Variants in ITIH1 observed in about 807,000 individuals in gnomAD.
ITIH1 encodes the protein inter-alpha-trypsin inhibitor heavy chain H1.
A neutral mutation model predicts 104.6 loss-of-function variants in ITIH1; 94 were observed. The ratio of observed to expected loss-of-function variants is 0.90; its 90% CI spans 0.76 to 1.07. The LOEUF is 1.07. Among genes scored for constraint, ITIH1 ranks in the 50% least tolerant of loss-of-function variants. The pLI, the probability that ITIH1 is intolerant of heterozygous loss-of-function variation, is 0.00. For missense variants in ITIH1, 1,193 were observed against 1,181.4 expected (o/e 1.01, Z -0.14); for synonymous variants, 455 against 464.4 (o/e 0.98, Z 0.26).
chr3:52,783,001 GGACTACTTT>G lies in ITIH1; in HGVS notation c.979_987del (p.Tyr327_Asp329del). 1 of 1,614,052 alleles carries G rather than the reference GGACTACTTT, an allele frequency of 6.2e-7. No homozygotes were observed. The highest frequency in any genetic ancestry group is 8.5e-7 in the Non-Finnish European group (1 of 1,179,990). On this transcript the variant is annotated inframe_deletion, in exon 9 of 22. Coordinates refer to ENST00000273283, the MANE Select transcript of ITIH1 (RefSeq NM_002215.4). Reference sequence around the variant, plus strand: ...AAATTCTGGGGGACATGCAGCCAGGGGACTACTTTGACCTGGTTCTTTTTGGGACTCGAG... The same window carrying G: ...AAATTCTGGGGGACATGCAGCCAGGGGACCTGGTTCTTTTTGGGACTCGAG...
Position 52,791,945 on chromosome 3 carries a change from G to T in ITIH1, c.*34G>T. 1 of 1,592,548 alleles carries T rather than the reference G, an allele frequency of 6.3e-7. No individual in the cohort carries two copies. Among genetic ancestry groups the T allele is most frequent in the Non-Finnish European group, 8.6e-7 (1 of 1,168,180 alleles). On this transcript the variant is annotated 3_prime_UTR_variant, in exon 22 of 22. Transcript: ENST00000273283. ...GCCAGCACGCCTGTCCTCCCCCGGGGCCAAGGCAGAGGAGGAGGACGACAT... is the reference window on the plus strand; with the variant it reads ...GCCAGCACGCCTGTCCTCCCCCGGGTCCAAGGCAGAGGAGGAGGACGACAT...
chr3:52,781,202 TTTTTTTTTCTTCTTCTTCTTCTTC>T (rs1559461121), intron 6 of ITIH1, among the ~76,000 whole-genome samples: 7 of 52,970 alleles, frequency 1.3e-4, no homozygotes, highest in African/African-American at 6.2e-4. Flanking sequence ...CTCTTCTTTT[TTTTTTTTTCTTCTTCTTCTTCTTC>T]TTCTTCTTCT....
In ITIH1 at chr3:52,786,422, T is replaced by A; in HGVS notation, c.1721T>A (p.Leu574Gln). The A allele has an allele frequency of 1.3e-6, 2 of 1,583,932 alleles. No individual in the cohort carries two copies. The highest frequency in any genetic ancestry group is 1.7e-6 in the Non-Finnish European group (2 of 1,164,790). ...TGGGCCTACCTCACCATCCAGGAGC[T>A]GCTGGCCAAGCGGTAGGGCACCTGC... The part of the protein sequence containing the change: ...RLWAYLTIQE[L>Q]LAKRMKVDRE... Residue 574 changes from leucine to glutamine, a missense_variant, in exon 13 of 22, where the codon CTG becomes CAG. Physicochemically the swap from Leu to Gln is moderately radical, Grantham distance 113. Transcript: ENST00000273283.
Position 52,791,977 on chromosome 3 carries a change from C to G in ITIH1, c.*66C>G, listed in dbSNP as rs1157366970. On this transcript the variant is annotated 3_prime_UTR_variant, in exon 22 of 22. Coordinates refer to ENST00000273283, the MANE Select transcript of ITIH1 (RefSeq NM_002215.4). ...CAGAGGAGGAGGACGACATCCTGACCTGCTGCTGAGGCTGTACCTCCTTGA... is the reference window on the plus strand; with the variant it reads ...CAGAGGAGGAGGACGACATCCTGACGTGCTGCTGAGGCTGTACCTCCTTGA... 1.3e-6 allele frequency: 2 copies of G among 1,534,576 alleles called. No individual in the cohort carries two copies. The highest frequency in any genetic ancestry group is 1.8e-6 in the Non-Finnish European group (2 of 1,130,876).
At position 52,778,370 on chromosome 3, in the gene ITIH1, A is replaced by G. The variant is rs144900443; in HGVS notation, c.169A>G (p.Lys57Glu). 2.7e-5 allele frequency: 44 copies of G among 1,614,072 alleles called. No individual in the cohort carries two copies. In the Middle Eastern group the frequency reaches 8.2e-4, roughly 30 times the overall value. Reference protein sequence around the residue: ...AVDGVFIRSLKVNCKVTSRFA... With the variant: ...AVDGVFIRSLEVNCKVTSRFA... Reference sequence around the variant, plus strand: ...CGATGGCGTGTTCATCCGGAGTTTGAAAGTCAACTGCAAAGTCACCTCTCG... The same window carrying G: ...CGATGGCGTGTTCATCCGGAGTTTGGAAGTCAACTGCAAAGTCACCTCTCG... Residue 57 changes from lysine (K) to glutamate (E), a missense_variant, in exon 3 of 22, where the codon AAA becomes GAA. Lys to Glu is a moderately conservative substitution (Grantham distance 56). Coordinates refer to ENST00000273283, the MANE Select transcript of ITIH1 (RefSeq NM_002215.4).
Position 52,779,926 on chromosome 3 carries a change from A to T in ITIH1, c.573+332A>T. ...CCGCGCAGCCTGAGGGCCTGGAATTATTGCTGGCACCTAAGTGGTGGCTGA... is the reference window on the plus strand; with the variant it reads ...CCGCGCAGCCTGAGGGCCTGGAATTTTTGCTGGCACCTAAGTGGTGGCTGA... On this transcript the variant is annotated intron_variant, in intron 5 of 21. Coordinates refer to ENST00000273283, the MANE Select transcript of ITIH1 (RefSeq NM_002215.4). This position sits in a 1 kb window ranked among gnomAD's most constrained non-coding sequence, Gnocchi z 4.4. 1 of 1,377,180 alleles carries T rather than the reference A, an allele frequency of 7.3e-7. No individual in the cohort carries two copies. Among genetic ancestry groups the T allele is most frequent in the Non-Finnish European group, 9.4e-7 (1 of 1,064,602 alleles). The allele number at this position is 1,377,180 out of a possible 1,614,324, so 85.3% of individuals were successfully genotyped here.
chr3:52,791,565 G>A lies in ITIH1; in HGVS notation c.2543G>A (p.Gly848Asp), dbSNP rs1268336879. 1.2e-6 allele frequency: 2 copies of A among 1,614,076 alleles called. No homozygotes were observed. Among genetic ancestry groups the A allele is most frequent in the Admixed American group, 1.7e-5 (1 of 60,022 alleles). The change falls in exon 21 of 22, where the codon GGC becomes GAC. Residue 848 changes from glycine to aspartate, a missense_variant. Gly to Asp is a moderately conservative substitution (Grantham distance 94). Transcript: ENST00000273283. ...TTTGAAGTGTCTGACATCCACCCAG[G>A]CTCTGACCCCACAAAGCCAGATGCC... The part of the protein sequence containing the change: ...IGFEVSDIHP[G>D]SDPTKPDATM...
rs1259573559 is a variant in ITIH1, at chr3:52,781,813, C to T, written c.688-127C>T. On this transcript the variant is annotated intron_variant, in intron 6 of 21. Transcript: ENST00000273283. The stretch of plus-strand genomic sequence containing the variant: ...AGCAGCTAGGTGAGTGAGTGGCCCA[C>T]CGAACTCGTTTCTCTGTCCGTGCAA... The T allele has an allele frequency of 5.7e-6, 7 of 1,234,106 alleles. No homozygotes were observed. The South Asian group carries it at 8.5e-5, about 15-fold the overall frequency. 76.4% of individuals were successfully genotyped at this position (1,234,106 alleles called of 1,614,324 possible). A position where few individuals can be genotyped will look rare whatever the true frequency, so the allele number is the denominator to read the frequency against.
rs1455040236 is a variant in ITIH1, at chr3:52,780,314, G to A, written c.619G>A (p.Ala207Thr). Residue 207 changes from alanine (A) to threonine (T), a missense_variant, in exon 6 of 22, where the codon GCC (alanine) becomes ACC (threonine). Ala to Thr is a moderately conservative substitution (Grantham distance 58, BLOSUM62 0). Transcript: ENST00000273283. ...GCCCCAGGGGATCAGCAAGCTGGAT[G>A]CCCAGGCCTCTTTCCTGCCGAAGGA... ...FEPQGISKLD[A>T]QASFLPKELA... is the part of the protein sequence containing the mutation. The A allele has an allele frequency of 1.2e-6, 2 of 1,614,120 alleles. No homozygotes were observed. The highest frequency in any genetic ancestry group is 1.1e-5 in the South Asian group (1 of 91,056).
chr3:52,790,927 G>T lies in ITIH1; in HGVS notation c.2494+6G>T. ...CCGGACGCACGGGCTGCTGGGTACG[G>T]CTGGCCAGGCTGGCAGGGCTGTGGG... is the stretch of plus-strand genomic sequence containing the variant. On this transcript the variant is annotated splice_donor_region_variant and intron_variant, in intron 20 of 21. Coordinates refer to ENST00000273283, the MANE Select transcript of ITIH1 (RefSeq NM_002215.4). The T allele has an allele frequency of 6.3e-7, 1 of 1,592,390 alleles. No homozygotes were observed. The highest frequency in any genetic ancestry group is 8.5e-7 in the Non-Finnish European group (1 of 1,172,010).
chr3:52,780,684 C>T (rs1033536660), intron 6 of ITIH1, among the ~76,000 whole-genome samples: 1 of 152,228 alleles, frequency 6.6e-6, no homozygotes, highest in African/African-American at 2.4e-5. Context: ...GCCCTCTTTG[C>T]CCGCCTCACG....
chr3:52,790,120 C>T, intron 19 of ITIH1: 1 of 526,260 alleles, frequency 1.9e-6, no homozygotes, highest in South Asian at 2.1e-5. Flanking sequence ...ACAAAGCCAG[C>T]TCATCCTCCC....
chr3:52,782,729 G>C (rs1057293423), intron 8 of ITIH1, among the ~76,000 whole-genome samples: 1 of 152,014 alleles, frequency 6.6e-6, no homozygotes, highest in African/African-American at 2.4e-5. Context: ...TGCCCCTCCC[G>C]AACTCCTGAT....
chr3:52,784,341 T>C lies in ITIH1; in HGVS notation c.1271T>C (p.Ile424Thr), dbSNP rs375346747. The change falls in exon 11 of 22, where the codon ATC (isoleucine) becomes ACC (threonine). Residue 424 changes from isoleucine to threonine, a missense_variant. Ile to Thr is a moderately conservative substitution (Grantham distance 89). Coordinates refer to ENST00000273283, the MANE Select transcript of ITIH1 (RefSeq NM_002215.4). ...ATCCTCAAGAACGTCCGCAACGCCA[T>C]CCGGGGCAGGTTCCCGCTCTACAAC... ...SQILKNVRNA[I>T]RGRFPLYNLG... is the part of the protein sequence containing the mutation. 4 of 1,614,122 alleles carry C rather than the reference T, an allele frequency of 2.5e-6. No homozygotes were observed. Among genetic ancestry groups the C allele is most frequent in the East Asian group, 4.5e-5 (2 of 44,870 alleles).
chr3:52,790,162 A>G lies in ITIH1; in HGVS notation c.2321+308A>G, dbSNP rs1699316249. 3 of 450,254 alleles carry G rather than the reference A, an allele frequency of 6.7e-6. No homozygotes were observed. The South Asian group carries it at 7.7e-5, about 11-fold the overall frequency. The allele number at this position is 450,254 out of a possible 1,614,324, so 27.9% of individuals were successfully genotyped here. On this transcript the variant is annotated intron_variant, in intron 19 of 21. Coordinates refer to ENST00000273283, the MANE Select transcript of ITIH1 (RefSeq NM_002215.4). The stretch of plus-strand genomic sequence containing the variant: ...AGCAAAGAGGCCACCTCTTCCCCTC[A>G]GCCCTCCTGCTCTCTTCCTCTGCTG...
chr3:52,792,021 T>A lies in ITIH1; in HGVS notation c.*110T>A, dbSNP rs1308018619. 3.3e-6 allele frequency: 4 copies of A among 1,222,620 alleles called. No homozygotes were observed. In the East Asian group the frequency reaches 9.5e-5, roughly 29 times the overall value. The allele number at this position is 1,222,620 out of a possible 1,614,324, so 75.7% of individuals were successfully genotyped here. ...TCCTTGACTAAGCTGGTTCCTTGTG[T>A]CAAAGCACCTCATGCCTTCCATTAA... is the stretch of plus-strand genomic sequence containing the variant. On this transcript the variant is annotated 3_prime_UTR_variant, in exon 22 of 22. Transcript: ENST00000273283.
chr3:52,790,106 C>T, intron 19 of ITIH1: 1 of 541,416 alleles, frequency 1.8e-6, no homozygotes, highest in East Asian at 3.2e-5. Context: ...CCTGTCTCTA[C>T]CAAACAAAGC....
intron 10 of ITIH1, 131 bp from the exon 11 acceptor site, chr3:52,784,165 A>C: frequency 1.3e-6 from 1 of 764,366 alleles, no homozygotes; most frequent in Non-Finnish European, 2.1e-6. Flanking sequence ...GCGATGCCTC[A>C]GGATGCCCAG....
chr3:52,778,068 C>T (rs761095476), intron 2 of ITIH1, 51 bp downstream of exon 2: 2 of 1,599,330 alleles, frequency 1.3e-6, no homozygotes, highest in South Asian at 1.1e-5. Context: ...TTTTTACAGG[C>T]TTGCTTTCCC....
Sources: gnomAD v4.1 joint callset for allele counts (sites outside exome capture counted in the v4.1 genomes callset) on GRCh38, gnomAD v4.1.1 for gene constraint, Gnocchi (gnomAD v3.1) non-coding constraint, MANE v1.5 for transcripts, NCBI Gene and HGNC (gene_info 2026-07-23, HGNC 2026-07-21) for gene names.